The following PRRG2 variants were observed in gnomAD, a reference collection of about 807,000 sequenced individuals.
PRRG2 encodes transmembrane gamma-carboxyglutamic acid protein 2.
In PRRG2, 23 loss-of-function variants were observed where a neutral mutation model predicts 27.1. The observed-to-expected ratio is 0.85, with a 90% CI of 0.61 to 1.20. The LOEUF (loss-of-function observed/expected upper bound fraction) is 1.20. PRRG2 is among the 50% of genes most tolerant of loss of function. PRRG2 has a pLI of 0.00. For missense variants in PRRG2, 276 were observed against 254.8 expected (o/e 1.08, Z -0.57); for synonymous variants, 104 against 103.4 (o/e 1.01, Z -0.03).
chr19:49,590,702 C>T lies in PRRG2; in HGVS notation c.*313C>T. 2.1e-6 allele frequency: 1 copy of T among 468,128 alleles called. No homozygotes were observed. The highest frequency in any genetic ancestry group is 2.0e-5 in the African/African-American group (1 of 50,738). The allele number at this position is 468,128 out of a possible 1,614,324, so 29.0% of individuals were successfully genotyped here. A position where few individuals can be genotyped will look rare whatever the true frequency, so the allele number is the denominator to read the frequency against. On this transcript the variant is annotated 3_prime_UTR_variant, in exon 7 of 7. Coordinates refer to ENST00000246794, the MANE Select transcript of PRRG2 (RefSeq NM_000951.3). ...AAATTCGGACCCAGGAGCCCAGCCC[C>T]GGCTGTGCCATCTTGTGTATGGGCA...
At chr19:49,584,295 C>T (rs1201943385) in intron 4 of PRRG2, among the ~76,000 whole-genome samples, 3 of 151,624 alleles carry the variant, frequency 2.0e-5, no homozygotes, top group South Asian at 2.1e-4. Context: ...CTCAGCCTCC[C>T]GAGTAGCTGG....
chr19:49,583,088 C>T (rs1389566814), intron 1 of PRRG2, 119 bp from the exon 2 acceptor site: 2 of 725,770 alleles, frequency 2.8e-6, no homozygotes, highest in East Asian at 2.6e-5. Context: ...GCACAGAATA[C>T]AGGCTGTGTA....
At chr19:49,583,863 C>T in intron 3 of PRRG2, 50 bp from the exon 4 acceptor site, 7 of 1,607,472 alleles carry the variant, frequency 4.4e-6, no homozygotes, top group Non-Finnish European at 6.0e-6. Context: ...GTGAACCTCC[C>T]AGCTGAATTC....
At chr19:49,586,240 C>A (rs573840212) in intron 4 of PRRG2, among the ~76,000 whole-genome samples, 2 of 151,974 alleles carry the variant, frequency 1.3e-5, no homozygotes, top group East Asian at 3.9e-4. Context: ...CACCACCACG[C>A]CCAGATACTT....
At chr19:49,581,733 C>T (rs1396487566) in intron 1 of PRRG2, among the ~76,000 whole-genome samples, 1 of 152,174 alleles carries the variant, frequency 6.6e-6, no homozygotes, top group African/African-American at 2.4e-5. Context: ...AGGGAAGACT[C>T]CAGATCACCA....
At chr19:49,584,731 T>G (rs1284036030) in intron 4 of PRRG2, among the ~76,000 whole-genome samples, 1 of 152,082 alleles carries the variant, frequency 6.6e-6, no homozygotes, top group Non-Finnish European at 1.5e-5. Flanking sequence ...CCCAGACTGC[T>G]GAGATTATAG....
chr19:49,581,685 A>G (rs573047945), intron 1 of PRRG2, among the ~76,000 whole-genome samples: 1 of 152,288 alleles, frequency 6.6e-6, no homozygotes, highest in African/African-American at 2.4e-5. Context: ...GGATGTGACA[A>G]TGAGCACAGA....
In PRRG2 at chr19:49,590,704, G is replaced by A. The variant is rs2080714915; in HGVS notation, c.*315G>A. On this transcript the variant is annotated 3_prime_UTR_variant, in exon 7 of 7. Coordinates refer to ENST00000246794, the MANE Select transcript of PRRG2 (RefSeq NM_000951.3). ...ATTCGGACCCAGGAGCCCAGCCCCG[G>A]CTGTGCCATCTTGTGTATGGGCAGA... 8.6e-6 allele frequency: 4 copies of A among 467,806 alleles called. No homozygotes were observed. The highest frequency in any genetic ancestry group is 7.3e-5 in the South Asian group (3 of 41,164). The allele number at this position is 467,806 out of a possible 1,614,324, so 29.0% of individuals were successfully genotyped here.
intron 4 of PRRG2, among the ~76,000 whole-genome samples, chr19:49,584,460 G>A (rs1003136797): frequency 1.3e-5 from 2 of 151,886 alleles, no homozygotes; most frequent in Non-Finnish European, 2.9e-5. Flanking sequence ...GTGAGCCACC[G>A]CGCCAGGCCT....
In PRRG2 at chr19:49,590,370, G is replaced by A. The variant is rs147569295; in HGVS notation, c.591-1G>A. ...TCCCTAGTGTGCCTTTCCTCTTGCAGCCTCAGGAGGCCTCACTGAAGAGCT... is the reference window on the plus strand; with the variant it reads ...TCCCTAGTGTGCCTTTCCTCTTGCAACCTCAGGAGGCCTCACTGAAGAGCT... On this transcript the variant is annotated splice_acceptor_variant, in intron 6 of 6. Coordinates refer to ENST00000246794, the MANE Select transcript of PRRG2 (RefSeq NM_000951.3). LOFTEE classifies it high-confidence loss of function. 671 of 1,614,146 alleles carry A rather than the reference G, an allele frequency of 4.2e-4. 2 individuals are homozygous for A. In the African/African-American group the frequency reaches 7.4e-3, roughly 18 times the overall value.
intron 4 of PRRG2, among the ~76,000 whole-genome samples, chr19:49,584,561 C>T (rs371824414): frequency 6.6e-6 from 1 of 152,166 alleles, no homozygotes; most frequent in African/African-American, 2.4e-5. Flanking sequence ...CTCAACCTCC[C>T]GGGCTCAAGC....
At chr19:49,584,371 C>T (rs758661204) in intron 4 of PRRG2, among the ~76,000 whole-genome samples, 3 of 151,944 alleles carry the variant, frequency 2.0e-5, no homozygotes, top group African/African-American at 4.8e-5. Flanking sequence ...GGGGTTTCAC[C>T]GTGTTAGCCA....
chr19:49,590,586 TC>T lies in PRRG2; in HGVS notation c.*200del. 3 of 712,148 alleles carry T rather than the reference TC, an allele frequency of 4.2e-6. No individual in the cohort carries two copies. The highest frequency in any genetic ancestry group is 7.0e-6 in the Non-Finnish European group (3 of 430,614). 44.1% of individuals were successfully genotyped at this position (712,148 alleles called of 1,614,324 possible). On this transcript the variant is annotated 3_prime_UTR_variant, in exon 7 of 7. Coordinates refer to ENST00000246794, the MANE Select transcript of PRRG2 (RefSeq NM_000951.3). ...TATACACATGTTTTCGGCAACGTGTTCCCGTGTCCTGGCCCCTCACGGGCCC... is the reference window on the plus strand; with the variant it reads ...TATACACATGTTTTCGGCAACGTGTTCCGTGTCCTGGCCCCTCACGGGCCC...
intron 4 of PRRG2, among the ~76,000 whole-genome samples, chr19:49,586,799 C>T (rs891032268): frequency 2.6e-5 from 4 of 152,046 alleles, no homozygotes; most frequent in African/African-American, 2.4e-5. Context: ...TGCGGTGAGC[C>T]GAGATTGCGC....
intron 4 of PRRG2, among the ~76,000 whole-genome samples, chr19:49,584,917 C>G (rs880986): frequency 0.064 from 9,723 of 152,228 alleles, 327 homozygotes; most frequent in South Asian, 0.13. Context: ...CCAGCCCCTC[C>G]GGCAGCTTGA....
intron 4 of PRRG2, among the ~76,000 whole-genome samples, chr19:49,584,256 C>T (rs1227653670): frequency 2.0e-5 from 3 of 151,510 alleles, no homozygotes; most frequent in African/African-American, 7.3e-5. Flanking sequence ...CTGCAAGCTC[C>T]GCCTCCCGGG....
In PRRG2 at chr19:49,583,941, A is replaced by C. The variant is rs764058042; in HGVS notation, c.290A>C (p.Asn97Thr). ...CGCTTTTGGGAGAGCTACATCTACA[A>C]TGGCAAAGGAGGTGAGTGAGGGGCT... ...TERFWESYIYNGKGGRGRVDV... is the reference protein window; with the variant it reads ...TERFWESYIYTGKGGRGRVDV... Residue 97 changes from asparagine (N) to threonine (T), a missense_variant, in exon 4 of 7, where the codon AAT becomes ACT. Transcript: ENST00000246794. The C allele has an allele frequency of 6.2e-7, 1 of 1,613,554 alleles. No individual in the cohort carries two copies. Among genetic ancestry groups the C allele is most frequent in the Admixed American group, 1.7e-5 (1 of 59,952 alleles).
At chr19:49,586,648 C>A (rs1163021216) in intron 4 of PRRG2, among the ~76,000 whole-genome samples, 4 of 151,978 alleles carry the variant, frequency 2.6e-5, no homozygotes. Flanking sequence ...GTCAAGAGAT[C>A]GAGATCATCC....
At chr19:49,583,493 C>T (rs748037036) in intron 2 of PRRG2, 49 bp from the exon 3 acceptor site, 55 of 1,595,866 alleles carry the variant, frequency 3.4e-5, no homozygotes, top group South Asian at 4.5e-5. Flanking sequence ...CCTATGACTC[C>T]AGCCCTAGGG....
Sources: allele counts gnomAD v4.1 joint callset (sites outside exome capture counted in the v4.1 genomes callset), GRCh38; gene constraint gnomAD v4.1.1; transcripts MANE v1.5; gene names NCBI Gene and HGNC (gene_info 2026-07-23, HGNC 2026-07-21).